The following SPDYA variants were observed in gnomAD, a reference collection of about 807,000 sequenced individuals.
The protein encoded by SPDYA is speedy protein A.
In SPDYA, 11 loss-of-function variants were observed where a neutral mutation model predicts 36.7. The observed-to-expected ratio is 0.30, with a 90% CI of 0.19 to 0.50. The LOEUF (loss-of-function observed/expected upper bound fraction) is 0.50, where lower values mean the gene tolerates loss of function less well. Ranked by LOEUF, SPDYA falls within the 20% of genes least tolerant of loss-of-function variation. The pLI, the probability that SPDYA is intolerant of heterozygous loss-of-function variation, is 0.98. For missense variants in SPDYA, 287 were observed against 370.9 expected (o/e 0.77, Z 1.86); for synonymous variants, 115 against 118.7 (o/e 0.97, Z 0.20).
intron 4 of SPDYA, among the ~76,000 whole-genome samples, chr2:28,821,979 G>A (rs1481485297): frequency 6.6e-6 from 1 of 152,154 alleles, no homozygotes; most frequent in Non-Finnish European, 1.5e-5. Context: ...CAAATTTGGT[G>A]CATCTAAGTG....
At chr2:28,840,040 G>C in intron 6 of SPDYA, 132 bp from the exon 7 acceptor site, 2 of 819,472 alleles carry the variant, frequency 2.4e-6, no homozygotes, top group Non-Finnish European at 3.7e-6. Flanking sequence ...GAAGTGCTTT[G>C]TTTTTTAAAT....
chr2:28,836,514 G>A (rs1428867769), intron 6 of SPDYA, among the ~76,000 whole-genome samples: 1 of 152,156 alleles, frequency 6.6e-6, no homozygotes, highest in African/African-American at 2.4e-5. Flanking sequence ...TTTTCAAATA[G>A]TGAGTTTTGT....
intron 1 of SPDYA, among the ~76,000 whole-genome samples, chr2:28,813,201 C>G (rs914293502): frequency 6.6e-6 from 1 of 152,092 alleles, no homozygotes; most frequent in Non-Finnish European, 1.5e-5. Context: ...ATTCAGTTTT[C>G]TGAAATTGTA....
chr2:28,838,239 T>C (rs1386388700), intron 6 of SPDYA, among the ~76,000 whole-genome samples: 3 of 148,070 alleles, frequency 2.0e-5, no homozygotes, highest in Non-Finnish European at 4.4e-5. Flanking sequence ...TGGAGTGTAA[T>C]GGCAAGGTGT....
rs1668069056 is a variant in SPDYA, at chr2:28,819,122, G to A, written c.294+16G>A. On this transcript the variant is annotated intron_variant, in intron 4 of 7. Transcript: ENST00000334056. ...TGCAGACAAGGTAAATTTGGTAACA[G>A]TATAACAATTAACCAGCATTATAAT... The A allele has an allele frequency of 1.3e-6, 2 of 1,589,824 alleles. No homozygotes were observed. The highest frequency in any genetic ancestry group is 1.3e-5 in the African/African-American group (1 of 74,468).
intron 7 of SPDYA, among the ~76,000 whole-genome samples, chr2:28,841,210 G>A (rs990961366): frequency 6.6e-6 from 1 of 151,792 alleles, no homozygotes; most frequent in Non-Finnish European, 1.5e-5. Flanking sequence ...CTGGGATTAC[G>A]GACACGAGCT....
At position 28,816,213 on chromosome 2, in the gene SPDYA, C is replaced by G. The variant is rs1440173040; in HGVS notation, c.199C>G (p.Gln67Glu). The G allele has an allele frequency of 1.2e-6, 2 of 1,613,330 alleles. No individual in the cohort carries two copies. The highest frequency in any genetic ancestry group is 1.7e-6 in the Non-Finnish European group (2 of 1,179,814). Residue 67 changes from glutamine to glutamate, a missense_variant, in exon 3 of 8, where the codon CAG becomes GAG. Coordinates refer to ENST00000334056, the MANE Select transcript of SPDYA (RefSeq NM_182756.4). ...KRPKGPCLVIQRQDMTAFFKL... is the reference protein window; with the variant it reads ...KRPKGPCLVIERQDMTAFFKL... ...CCCCAAAGGACCTTGTCTGGTTATA[C>G]AGCGTCAGGATATGACTGCTTTCTT...
At chr2:28,826,095 A>G (rs1242329520) in intron 5 of SPDYA, among the ~76,000 whole-genome samples, 1 of 151,428 alleles carries the variant, frequency 6.6e-6, no homozygotes, top group Non-Finnish European at 1.5e-5. Context: ...TTAATAACTT[A>G]CTTGGGATTT....
chr2:28,835,560 C>T (rs183207531), intron 6 of SPDYA, among the ~76,000 whole-genome samples: 1 of 152,180 alleles, frequency 6.6e-6, no homozygotes, highest in South Asian at 2.1e-4. Flanking sequence ...TCTCCAGAGC[C>T]TAGAACAGTG....
At chr2:28,818,076 A>G (rs1291205652) in intron 3 of SPDYA, among the ~76,000 whole-genome samples, 1 of 150,682 alleles carries the variant, frequency 6.6e-6, no homozygotes, top group East Asian at 2.0e-4. Flanking sequence ...CTGAGGTGGG[A>G]GGATCTCAAA....
At chr2:28,819,850 ATATATATATATATATATATATAT>A (rs1223073658) in intron 4 of SPDYA, among the ~76,000 whole-genome samples, 85 of 6,874 alleles carry the variant, frequency 0.012, 1 homozygote, top group Admixed American at 0.027. Flanking sequence ...AAAAAAAAAA[ATATATATATATATATATATATAT>A]ATATATATAT....
intron 5 of SPDYA, among the ~76,000 whole-genome samples, chr2:28,826,766 C>A (rs1257477083): frequency 6.6e-6 from 1 of 150,648 alleles, no homozygotes; most frequent in Non-Finnish European, 1.5e-5. Flanking sequence ...AGGCATTCAC[C>A]ACAACACCCA....
rs1450966493 is a variant in SPDYA, at chr2:28,846,753, A to ACG, written c.851-3096_851-3095insGC. On this transcript the variant is annotated intron_variant, in intron 7 of 7. Coordinates refer to ENST00000334056, the MANE Select transcript of SPDYA (RefSeq NM_182756.4). ...CACACACACACACACACACACACAC[A>ACG]CACACACACACACACACACAAAGGG... Among the ~76,000 whole-genome samples the ACG allele has an allele frequency of 2.0e-5, 3 of 151,182 alleles. No homozygotes were observed. The East Asian group carries it at 5.8e-4, about 29-fold the overall frequency.
chr2:28,811,861 C>T lies in SPDYA; in HGVS notation c.-93+914C>T, dbSNP rs1413853974. Among the ~76,000 whole-genome samples the T allele has an allele frequency of 6.6e-6, 1 of 151,968 alleles. No individual in the cohort carries two copies. The highest frequency in any genetic ancestry group is 1.9e-4 in the East Asian group (1 of 5,182). On this transcript the variant is annotated intron_variant, in intron 1 of 7. Transcript: ENST00000334056. This position sits in a 1 kb window ranked among gnomAD's most constrained non-coding sequence, Gnocchi z 4.2. ...ATCCCAGCTCCTCGGGAGGCTGAGG[C>T]GGGAGAATCGCTTGAACCCGGGAGG...
Position 28,829,239 on chromosome 2 carries a change from C to CCT in SPDYA, c.473_474dup (p.Asn159LeufsTer4). The CCT allele has an allele frequency of 6.2e-7, 1 of 1,613,812 alleles. No individual in the cohort carries two copies. Among genetic ancestry groups the CCT allele is most frequent in the Non-Finnish European group, 8.5e-7 (1 of 1,179,924 alleles). ...AGGGAAAAACTGGAGAAAATTGTTC[C>CCT]CTAATTTCTTAAAGTTAAGGGACCA... On this transcript the variant is annotated frameshift_variant, in exon 6 of 8. Transcript: ENST00000334056. LOFTEE classifies it high-confidence loss of function.
At chr2:28,825,895 AC>A (rs1258851721) in intron 5 of SPDYA, among the ~76,000 whole-genome samples, 2 of 151,370 alleles carry the variant, frequency 1.3e-5, no homozygotes, top group African/African-American at 2.4e-5. Flanking sequence ...ATAGCACGAC[AC>A]CCGGCTAATT....
rs141608636 is a variant in SPDYA, at chr2:28,817,978, G to A, written c.236-1070G>A. ...GAGTTCAAGACCAGCCTGGGGCAAC[G>A]TGGTGAAACCCCCTCTCTACAATAC... On this transcript the variant is annotated intron_variant, in intron 3 of 7. Coordinates refer to ENST00000334056, the MANE Select transcript of SPDYA (RefSeq NM_182756.4). Among the ~76,000 whole-genome samples the A allele has an allele frequency of 1.8e-3, 270 of 149,646 alleles. 1 individual carries two copies. The highest frequency in any genetic ancestry group is 2.4e-3 in the Non-Finnish European group (162 of 67,556).
At chr2:28,844,557 TA>T (rs757761365) in intron 7 of SPDYA, among the ~76,000 whole-genome samples, 9 of 152,316 alleles carry the variant, frequency 5.9e-5, no homozygotes, top group Non-Finnish European at 1.3e-4. Context: ...ACCTGTAGCC[TA>T]ATGTAAGCGT....
chr2:28,826,611 C>CTTT (rs777338299), intron 5 of SPDYA, among the ~76,000 whole-genome samples: 7,046 of 75,256 alleles, frequency 0.094, 262 homozygotes, highest in East Asian at 0.21. Context: ...TTCTTTCTCT[C>CTTT]TTTTTTTTTT....
Sources: allele counts gnomAD v4.1 joint callset (sites outside exome capture counted in the v4.1 genomes callset), GRCh38; gene constraint gnomAD v4.1.1; non-coding constraint Gnocchi (gnomAD v3.1); transcripts MANE v1.5; gene names NCBI Gene and HGNC (gene_info 2026-07-23, HGNC 2026-07-21).